The following PRR16 variants were observed in gnomAD, a reference collection of about 807,000 sequenced individuals.
PRR16 encodes the protein proline rich 16.
In PRR16, 6 loss-of-function variants were observed where a neutral mutation model predicts 18.2. The ratio of observed to expected loss-of-function variants is 0.33; its 90% confidence interval spans 0.18 to 0.65. The LOEUF (loss-of-function observed/expected upper bound fraction) is 0.65. Ranked by LOEUF, PRR16 falls within the 30% of genes least tolerant of loss-of-function variation. The pLI, the probability that PRR16 is intolerant of heterozygous loss-of-function variation, is 0.74. For synonymous variants in PRR16, 151 were observed against 147.8 expected (o/e 1.02, Z -0.16); for missense variants, 412 against 376.6 (o/e 1.09, Z -0.78).
the PRR16 span, among the ~76,000 whole-genome samples, chr5:120,773,014 AAGT>A: frequency 6.6e-6 from 1 of 152,136 alleles, no homozygotes; most frequent in Non-Finnish European, 1.5e-5. Context: ...GAGGTACTGT[AAGT>A]ATACTATATT....
At chr5:120,533,198 G>C (rs1751606779) in intron 1 of PRR16, among the ~76,000 whole-genome samples, 1 of 152,104 alleles carries the variant, frequency 6.6e-6, no homozygotes, top group Admixed American at 6.6e-5. Context: ...TTCATCCACT[G>C]AATATATCTT....
chr5:120,683,243 A>T (rs1348826165), intron 1 of PRR16, among the ~76,000 whole-genome samples: 1 of 152,188 alleles, frequency 6.6e-6, no homozygotes, highest in East Asian at 1.9e-4. Context: ...ACAGTTACTA[A>T]AAGTGAAACT....
intron 1 of PRR16, among the ~76,000 whole-genome samples, chr5:120,595,271 G>A (rs1182778955): frequency 1.3e-5 from 2 of 151,668 alleles, no homozygotes; most frequent in African/African-American, 4.8e-5. Context: ...TTAAAAAGTG[G>A]GCAAATAGCA....
the PRR16 span, among the ~76,000 whole-genome samples, chr5:120,709,768 G>C: frequency 6.6e-6 from 1 of 152,032 alleles, no homozygotes; most frequent in Non-Finnish European, 1.5e-5. Context: ...TATTTCACTT[G>C]ACATAATAAT....
intron 1 of PRR16, among the ~76,000 whole-genome samples, chr5:120,467,969 T>C (rs1364579790): frequency 6.6e-6 from 1 of 152,164 alleles, no homozygotes; most frequent in African/African-American, 2.4e-5. Flanking sequence ...GCATAGTTTC[T>C]GGTCTCAGTG....
intron 1 of PRR16, among the ~76,000 whole-genome samples, chr5:120,583,952 T>C (rs1413239931): frequency 6.6e-6 from 1 of 152,198 alleles, no homozygotes; most frequent in Non-Finnish European, 1.5e-5. Flanking sequence ...GTATCTGTTA[T>C]GGGTCAAGCA....
intron 1 of PRR16, among the ~76,000 whole-genome samples, chr5:120,573,351 C>T (rs1438171905): frequency 6.6e-6 from 1 of 152,094 alleles, no homozygotes; most frequent in African/African-American, 2.4e-5. Context: ...GAATAAATTC[C>T]AGTGTTAAAA....
chr5:120,487,624 T>C (rs1039110765), intron 1 of PRR16, among the ~76,000 whole-genome samples: 3 of 152,168 alleles, frequency 2.0e-5, no homozygotes, highest in African/African-American at 7.2e-5. Flanking sequence ...CTTTTCCTAA[T>C]TGAATACCCT....
At chr5:120,508,360 T>C (rs185103630) in intron 1 of PRR16, among the ~76,000 whole-genome samples, 1 of 152,100 alleles carries the variant, frequency 6.6e-6, no homozygotes, top group Non-Finnish European at 1.5e-5. Flanking sequence ...CTGAAAACAG[T>C]GTTGTTTGGG....
At chr5:120,755,222 A>C in the PRR16 span, among the ~76,000 whole-genome samples, 1 of 152,032 alleles carries the variant, frequency 6.6e-6, no homozygotes, top group African/African-American at 2.4e-5. Flanking sequence ...TCTAAAAAAA[A>C]TAAAAAATAA....
chr5:120,703,318 C>G, the PRR16 span, among the ~76,000 whole-genome samples: 1 of 152,190 alleles, frequency 6.6e-6, no homozygotes, highest in Non-Finnish European at 1.5e-5. Context: ...GTATTCACTT[C>G]TTTTGTGATT....
At chr5:120,757,379 C>A in the PRR16 span, among the ~76,000 whole-genome samples, 4 of 151,950 alleles carry the variant, frequency 2.6e-5, no homozygotes, top group African/African-American at 9.6e-5. Context: ...TGACAGTAAT[C>A]GCGTTGACTC....
chr5:120,650,599 A>G (rs560697768), intron 1 of PRR16, among the ~76,000 whole-genome samples: 6 of 150,656 alleles, frequency 4.0e-5, no homozygotes, highest in Admixed American at 1.3e-4. Context: ...TGTCCTTGCG[A>G]TAGTTTGCTG....
chr5:120,679,117 C>A (rs944148698), intron 1 of PRR16, among the ~76,000 whole-genome samples: 4 of 152,182 alleles, frequency 2.6e-5, no homozygotes, highest in Admixed American at 1.3e-4. Flanking sequence ...AAAAAACCTC[C>A]TGGGATTGTC....
At chr5:120,472,727 A>G (rs1021611569) in intron 1 of PRR16, among the ~76,000 whole-genome samples, 28 of 151,310 alleles carry the variant, frequency 1.9e-4, no homozygotes, top group African/African-American at 6.9e-4. Context: ...TATGTAGGGG[A>G]AAAAAATGAG....
At chr5:120,562,017 G>A (rs532541260) in intron 1 of PRR16, among the ~76,000 whole-genome samples, 1 of 152,206 alleles carries the variant, frequency 6.6e-6, no homozygotes, top group South Asian at 2.1e-4. Context: ...TGCAGATTAA[G>A]TCTGATGTTT....
the PRR16 span, among the ~76,000 whole-genome samples, chr5:120,744,201 A>G: frequency 1.3e-5 from 2 of 152,154 alleles, no homozygotes; most frequent in African/African-American, 4.8e-5. Flanking sequence ...AAGTTTTATG[A>G]GTTAAGGAGG....
the PRR16 span, among the ~76,000 whole-genome samples, chr5:120,755,016 CTAAG>C: frequency 5.1e-5 from 6 of 118,228 alleles, no homozygotes; most frequent in Non-Finnish European, 6.7e-5. Context: ...TATTATGTGA[CTAAG>C]TTTTTTTCAC....
At chr5:120,768,752 A>C in the PRR16 span, among the ~76,000 whole-genome samples, 1 of 151,826 alleles carries the variant, frequency 6.6e-6, no homozygotes, top group African/African-American at 2.4e-5. Context: ...AAAGGAGCAC[A>C]TATCTGGCAA....
Sources: allele counts gnomAD v4.1 joint callset (sites outside exome capture counted in the v4.1 genomes callset), GRCh38; gene constraint gnomAD v4.1.1; transcripts MANE v1.5; gene names NCBI Gene and HGNC (gene_info 2026-07-23, HGNC 2026-07-21).